Variants in CENPI observed in about 807,000 individuals in gnomAD.
CENPI encodes centromere protein I.
A neutral mutation model predicts 60.4 loss-of-function variants in CENPI; 4 were observed. That is an observed-to-expected ratio of 0.07 (90% CI 0.03 to 0.15). The LOEUF (loss-of-function observed/expected upper bound fraction) is 0.15, where lower values mean the gene tolerates loss of function less well. Among genes scored for constraint, CENPI ranks in the 10% least tolerant of loss-of-function variants. The pLI is 1.00. For synonymous variants in CENPI, 157 were observed against 189.4 expected (o/e 0.83, Z 1.40); for missense variants, 444 against 534.5 (o/e 0.83, Z 1.67).
chrX:101,155,127 C>T lies in CENPI; in HGVS notation c.2095-6401C>T, dbSNP rs1470316989. 2.7e-5 allele frequency among the ~76,000 whole-genome samples: 3 copies of T among 110,906 alleles called. No homozygotes were observed. In the East Asian group the frequency reaches 8.5e-4, roughly 32 times the overall value. ...AAAATGGCAAGAATGGCCACTTAAT[C>T]GTAGGGAGAAACATTTCACTTTGTC... On this transcript the variant is annotated intron_variant, in intron 20 of 21. Coordinates refer to ENST00000682095, the MANE Select transcript of CENPI (RefSeq NM_001386188.2).
intron 6 of CENPI, among the ~76,000 whole-genome samples, chrX:101,112,461 T>C (rs1426781815): frequency 8.9e-6 from 1 of 112,070 alleles, no homozygotes; most frequent in African/African-American, 3.2e-5. Context: ...AGAGCTTTTA[T>C]TGAGAGTGTT....
At chrX:101,107,746 GC>G (rs1188241597) in intron 4 of CENPI, among the ~76,000 whole-genome samples, 1 of 109,077 alleles carries the variant, frequency 9.2e-6, no homozygotes, top group Non-Finnish European at 1.9e-5. Flanking sequence ...TTGGCTCACT[GC>G]AACCTCTGCC....
intron 6 of CENPI, among the ~76,000 whole-genome samples, chrX:101,112,111 A>G (rs2089560802): frequency 8.9e-6 from 1 of 111,934 alleles, no homozygotes; most frequent in Admixed American, 9.5e-5. Flanking sequence ...AAATGAACAA[A>G]ACAGTCCTGT....
the CENPI span, among the ~76,000 whole-genome samples, chrX:101,174,631 A>G: frequency 4.5e-5 from 5 of 110,083 alleles, no homozygotes; most frequent in Non-Finnish European, 7.6e-5. Flanking sequence ...CGTGGACATA[A>G]AGATGGTGAC....
At chrX:101,162,467 A>ATAT (rs1269101204) in intron 21 of CENPI, among the ~76,000 whole-genome samples, 53 of 89,394 alleles carry the variant, frequency 5.9e-4, no homozygotes, top group South Asian at 1.4e-3. Flanking sequence ...AAAAAAAAAA[A>ATAT]AAAAAAATAT....
chrX:101,179,245 C>T, the CENPI span, among the ~76,000 whole-genome samples: 26,682 of 111,306 alleles, frequency 0.24, 2,317 homozygotes, highest in South Asian at 0.33. Context: ...CTGTGCCGGA[C>T]GTTTCATATA....
intron 20 of CENPI, among the ~76,000 whole-genome samples, chrX:101,159,202 C>T (rs2090082497): frequency 9.0e-6 from 1 of 110,751 alleles, no homozygotes; most frequent in Non-Finnish European, 1.9e-5. Context: ...CGCTCTGTCG[C>T]CCAGGCTGGA....
At chrX:101,127,933 C>T (rs1263927530) in intron 11 of CENPI, among the ~76,000 whole-genome samples, 3 of 111,556 alleles carry the variant, frequency 2.7e-5, no homozygotes, top group Non-Finnish European at 3.8e-5. Context: ...CACGGTGGCT[C>T]ATGCCGGTAA....
intron 2 of CENPI, chrX:101,100,055 C>G (rs1331251973): frequency 1.8e-5 from 2 of 110,690 alleles, no homozygotes; most frequent in Non-Finnish European, 3.8e-5. Flanking sequence ...TCCCGAAGTG[C>G]TGTATTACAG....
chrX:101,139,943 T>C (rs1423571542), intron 15 of CENPI, among the ~76,000 whole-genome samples: 1 of 109,587 alleles, frequency 9.1e-6, no homozygotes, highest in African/African-American at 3.3e-5. Context: ...CACGTCATTC[T>C]CCTGCCTCAG....
intron 4 of CENPI, among the ~76,000 whole-genome samples, chrX:101,107,215 A>G (rs906521463): frequency 9.0e-6 from 1 of 110,601 alleles, no homozygotes; most frequent in East Asian, 2.8e-4. Flanking sequence ...ACATTCTTAA[A>G]TGTAACACCT....
intron 3 of CENPI, among the ~76,000 whole-genome samples, 193 bp downstream of exon 3, chrX:101,101,489 T>A (rs2089416020): frequency 9.0e-6 from 1 of 111,431 alleles, no homozygotes; most frequent in South Asian, 3.8e-4. Flanking sequence ...ACTAGCAGAG[T>A]GGTTCCCAAA....
chrX:101,113,297 ACAC>A (rs1422711542), intron 6 of CENPI, among the ~76,000 whole-genome samples: 1 of 99,834 alleles, frequency 1.0e-5, no homozygotes, highest in Non-Finnish European at 2.0e-5. Context: ...ACACACACAC[ACAC>A]ACACACACAC....
intron 12 of CENPI, 76 bp downstream of exon 12, chrX:101,128,912 C>T: frequency 7.0e-6 from 6 of 860,437 alleles, no homozygotes; most frequent in Non-Finnish European, 1.0e-5. Flanking sequence ...TTCTAGACAG[C>T]AGGAGCCTTC....
chrX:101,128,564 A>G, intron 11 of CENPI, 152 bp from the exon 12 acceptor site: 1 of 472,945 alleles, frequency 2.1e-6, no homozygotes, highest in East Asian at 3.5e-5. Context: ...TCCTAGGCTC[A>G]AGTGATCCTC....
intron 20 of CENPI, among the ~76,000 whole-genome samples, chrX:101,158,268 A>G (rs1027558353): frequency 3.7e-4 from 33 of 88,041 alleles, no homozygotes; most frequent in Non-Finnish European, 4.3e-5. Flanking sequence ...TTTGGGCAGT[A>G]TGGCTTTTTT....
intron 4 of CENPI, among the ~76,000 whole-genome samples, chrX:101,105,352 G>A (rs7889445): frequency 0.28 from 30,583 of 109,250 alleles, 3,347 homozygotes; most frequent in African/African-American, 0.36. Flanking sequence ...GTGAAACCCC[G>A]TCTCTCCTAA....
At chrX:101,099,119 C>T (rs915297562) in intron 2 of CENPI, among the ~76,000 whole-genome samples, 2 of 109,602 alleles carry the variant, frequency 1.8e-5, no homozygotes, top group African/African-American at 6.7e-5. Context: ...TCTTTCCTTT[C>T]TTTCTTCTTT....
At position 101,106,140 on chromosome X, in the gene CENPI, C is replaced by T. The variant is rs778058648; in HGVS notation, c.365-3333C>T. Among the ~76,000 whole-genome samples the T allele has an allele frequency of 7.2e-5, 8 of 111,415 alleles. No individual in the cohort carries two copies. In the East Asian group the frequency reaches 2.3e-3, roughly 31 times the overall value. ...AAAAATAGAATTAATATTGAATTCT[C>T]CCTTTGAATTTGGTGCACATGTAAT... On this transcript the variant is annotated intron_variant, in intron 4 of 21. Coordinates refer to ENST00000682095, the MANE Select transcript of CENPI (RefSeq NM_001386188.2).
Sources: gnomAD v4.1 joint callset for allele counts (sites outside exome capture counted in the v4.1 genomes callset) on GRCh38, gnomAD v4.1.1 for gene constraint, MANE v1.5 for transcripts, NCBI Gene and HGNC (gene_info 2026-07-23, HGNC 2026-07-21) for gene names.